Variants in WDR25 observed in about 807,000 individuals in gnomAD.
WDR25 encodes WD repeat-containing protein 25.
In WDR25, 35 loss-of-function variants were observed where a neutral mutation model predicts 47.7. The observed-to-expected ratio is 0.73, with a 90% confidence interval of 0.56 to 0.97. The LOEUF (loss-of-function observed/expected upper bound fraction) is 0.97. Among genes scored for constraint, WDR25 ranks in the 50% least tolerant of loss-of-function variants. WDR25 has a pLI of 0.00. For synonymous variants in WDR25, 248 were observed against 278.9 expected (o/e 0.89, Z 1.10); for missense variants, 634 against 704.7 (o/e 0.90, Z 1.14).
intron 2 of WDR25, among the ~76,000 whole-genome samples, chr14:100,414,145 A>AC (rs1897798099): frequency 6.6e-6 from 1 of 151,096 alleles, no homozygotes; most frequent in Admixed American, 6.6e-5. Flanking sequence ...ACAGGCGTGC[A>AC]CCACCACGCC....
chr14:100,515,991 A>G (rs1441843072), intron 4 of WDR25, among the ~76,000 whole-genome samples: 1 of 142,878 alleles, frequency 7.0e-6, no homozygotes, highest in African/African-American at 2.9e-5. Flanking sequence ...TTCTATTGAC[A>G]GATTTTTTTT....
At chr14:100,433,618 G>T (rs1595084740) in intron 2 of WDR25, among the ~76,000 whole-genome samples, 1 of 152,180 alleles carries the variant, frequency 6.6e-6, no homozygotes, top group Non-Finnish European at 1.5e-5. Context: ...GATCACGCTT[G>T]TCACGTGGGG....
intron 2 of WDR25, among the ~76,000 whole-genome samples, chr14:100,434,798 GT>G (rs1233851945): frequency 6.6e-6 from 1 of 152,154 alleles, no homozygotes; most frequent in Non-Finnish European, 1.5e-5. Flanking sequence ...ATTAGTCTGT[GT>G]TTTTTCCTTC....
intron 2 of WDR25, among the ~76,000 whole-genome samples, chr14:100,411,360 C>T (rs1343662533): frequency 6.6e-6 from 1 of 152,116 alleles, no homozygotes. Context: ...ACATTTTTCA[C>T]AGCACTCCTA....
At chr14:100,434,299 C>T (rs141485524) in intron 2 of WDR25, among the ~76,000 whole-genome samples, 1,684 of 152,242 alleles carry the variant, frequency 0.011, 105 homozygotes, top group Admixed American at 0.1. Flanking sequence ...TTCATTCTGC[C>T]CTTTTCCATT....
rs57266307 is a variant in WDR25 at position 100,404,148 on chromosome 14, T to TA, written c.822+22403dup. Among the ~76,000 whole-genome samples, 27,422 of 152,098 alleles carry TA rather than the reference T, an allele frequency of 0.18. 2,643 individuals carry two copies. The highest frequency in any genetic ancestry group is 0.21 in the Non-Finnish European group (14,241 of 67,938). On this transcript the variant is annotated intron_variant, in intron 2 of 6. Transcript: ENST00000402312. The surrounding 1 kb of genome is among the most constrained non-coding windows in gnomAD (Gnocchi z 4.6). ...GTGTCCAGCCCAGTGCTGGGCCCCA[T>TA]ACGCACATGATTGGTCCCCCTGAAA...
intron 2 of WDR25, among the ~76,000 whole-genome samples, chr14:100,427,628 T>A (rs1027082211): frequency 7.2e-5 from 11 of 152,300 alleles, no homozygotes; most frequent in African/African-American, 2.4e-4. Context: ...TGCTGTGGGG[T>A]CCCGTCATCA....
chr14:100,526,098 T>C, intron 5 of WDR25, 58 bp downstream of exon 5: 2 of 1,581,336 alleles, frequency 1.3e-6, no homozygotes, highest in Non-Finnish European at 1.7e-6. Context: ...ATCCATGTAG[T>C]TCTGGTCTGT....
At chr14:100,436,103 G>T (rs1420405086) in intron 2 of WDR25, among the ~76,000 whole-genome samples, 1 of 152,222 alleles carries the variant, frequency 6.6e-6, no homozygotes, top group African/African-American at 2.4e-5. Context: ...CAAATTCTCA[G>T]CTCTGCTGTT....
intron 3 of WDR25, among the ~76,000 whole-genome samples, chr14:100,469,098 C>T (rs780180680): frequency 1.1e-4 from 16 of 152,130 alleles, no homozygotes; most frequent in Non-Finnish European, 2.1e-4. Context: ...ACACCAGTCC[C>T]TGGGGCTCCC....
intron 2 of WDR25, among the ~76,000 whole-genome samples, chr14:100,465,103 C>T (rs1293843719): frequency 3.9e-5 from 6 of 152,032 alleles, no homozygotes; most frequent in Admixed American, 1.3e-4. Context: ...TGGCCCTCCT[C>T]ATGCATGTTT....
At chr14:100,495,379 A>C (rs1358818645) in intron 4 of WDR25, among the ~76,000 whole-genome samples, 1 of 152,208 alleles carries the variant, frequency 6.6e-6, no homozygotes, top group African/African-American at 2.4e-5. Flanking sequence ...CAAACAAAAA[A>C]ACCAAAAAAC....
chr14:100,526,283 T>TG (rs1217816146), intron 5 of WDR25, among the ~76,000 whole-genome samples: 1 of 152,084 alleles, frequency 6.6e-6, no homozygotes, highest in Non-Finnish European at 1.5e-5. Flanking sequence ...AAGGGTCTGG[T>TG]GGGGGGCGGT....
At chr14:100,480,937 C>T (rs1403379813) in intron 3 of WDR25, 2 of 397,368 alleles carry the variant, frequency 5.0e-6, no homozygotes, top group East Asian at 7.3e-5. Flanking sequence ...CATGCACCCT[C>T]CCCATTGCCA....
intron 4 of WDR25, among the ~76,000 whole-genome samples, chr14:100,494,473 T>G (rs1900666792): frequency 6.6e-6 from 1 of 152,246 alleles, no homozygotes; most frequent in Non-Finnish European, 1.5e-5. Context: ...TTGCCTTTTA[T>G]TATGCCTTAC....
At chr14:100,465,384 A>G (rs1284519157) in intron 2 of WDR25, among the ~76,000 whole-genome samples, 1 of 151,992 alleles carries the variant, frequency 6.6e-6, no homozygotes, top group Non-Finnish European at 1.5e-5. Context: ...AGCCCTGGCC[A>G]CCACCATTCT....
chr14:100,418,798 C>T (rs1897947273), intron 2 of WDR25, among the ~76,000 whole-genome samples: 1 of 151,988 alleles, frequency 6.6e-6, no homozygotes, highest in Non-Finnish European at 1.5e-5. Context: ...CACACCTACT[C>T]CGGGAGGGAC....
chr14:100,516,687 C>T (rs1328744143), intron 4 of WDR25, among the ~76,000 whole-genome samples: 1 of 151,904 alleles, frequency 6.6e-6, no homozygotes. Context: ...GTCACTTCAG[C>T]CCTCATTTGG....
At chr14:100,510,696 A>T (rs1901281107) in intron 4 of WDR25, among the ~76,000 whole-genome samples, 1 of 151,682 alleles carries the variant, frequency 6.6e-6, no homozygotes, top group South Asian at 2.1e-4. Context: ...AGATCGCGTC[A>T]TTGCACTCCA....
Sources: gnomAD v4.1 joint callset for allele counts (sites outside exome capture counted in the v4.1 genomes callset) on GRCh38, gnomAD v4.1.1 for gene constraint, Gnocchi (gnomAD v3.1) non-coding constraint, MANE v1.5 for transcripts, NCBI Gene and HGNC (gene_info 2026-07-23, HGNC 2026-07-21) for gene names.